RBFOX1: variants seen among roughly 807,000 people sequenced by gnomAD.
The protein encoded by RBFOX1 is RNA binding protein fox-1 homolog 1.
RBFOX1 carries 8 observed loss-of-function variants against 57.7 expected under a neutral mutation model. The observed-to-expected ratio is 0.14, with a 90% confidence interval of 0.08 to 0.25. The LOEUF (loss-of-function observed/expected upper bound fraction) is 0.25, where lower values mean the gene tolerates loss of function less well. RBFOX1 is among the 10% of genes least tolerant of loss of function. The pLI, the probability that RBFOX1 is intolerant of heterozygous loss-of-function variation, is 1.00. For missense variants in RBFOX1, 611 were observed against 548.5 expected (o/e 1.11, Z -1.14); for synonymous variants, 326 against 222.4 (o/e 1.47, Z -4.15).
intron 3 of RBFOX1, among the ~76,000 whole-genome samples, chr16:5,784,248 C>T (rs1019895693): frequency 6.6e-6 from 1 of 152,054 alleles, no homozygotes; most frequent in Non-Finnish European, 1.5e-5. Flanking sequence ...GGTGAAACCC[C>T]GTCTCTACTA....
At chr16:6,269,949 A>G (rs1162612960) in intron 1 of RBFOX1, among the ~76,000 whole-genome samples, 1 of 152,188 alleles carries the variant, frequency 6.6e-6, no homozygotes, top group Non-Finnish European at 1.5e-5. Context: ...TTAAATGGGG[A>G]GAGGAAGGGA....
chr16:7,026,741 C>G (rs1048754048), intron 3 of RBFOX1, among the ~76,000 whole-genome samples: 3 of 152,186 alleles, frequency 2.0e-5, no homozygotes, highest in Non-Finnish European at 2.9e-5. Flanking sequence ...CTCCCCTACC[C>G]AATTCCGAGG....
intron 2 of RBFOX1, among the ~76,000 whole-genome samples, chr16:5,586,988 C>T (rs1480733656): frequency 6.6e-6 from 1 of 152,162 alleles, no homozygotes; most frequent in Non-Finnish European, 1.5e-5. Context: ...TGCCCAGATG[C>T]CCTTCCCAGA....
chr16:6,990,517 C>G (rs140853163), intron 3 of RBFOX1, among the ~76,000 whole-genome samples: 531 of 152,108 alleles, frequency 3.5e-3, no homozygotes, highest in African/African-American at 8.8e-3. Flanking sequence ...AAGAAAGAAA[C>G]TCCATCTCAA....
chr16:7,160,400 C>T (rs1434758572), intron 4 of RBFOX1, among the ~76,000 whole-genome samples: 1 of 152,068 alleles, frequency 6.6e-6, no homozygotes, highest in African/African-American at 2.4e-5. Context: ...TACTTTTCAT[C>T]TTCTTCCTCC....
intron 3 of RBFOX1, among the ~76,000 whole-genome samples, chr16:6,862,418 A>G (rs1199421592): frequency 6.6e-6 from 1 of 152,144 alleles, no homozygotes; most frequent in East Asian, 1.9e-4. Context: ...TCAAATAAAA[A>G]TCCTTTCATT....
chr16:6,876,184 C>CA lies in RBFOX1; in HGVS notation c.-15-175865dup, dbSNP rs200681303. Among the ~76,000 whole-genome samples, 838 of 147,360 alleles carry CA rather than the reference C, an allele frequency of 5.7e-3. 18 individuals are homozygous for CA. Among genetic ancestry groups the CA allele is most frequent in the African/African-American group, 0.02 (799 of 40,812 alleles). On this transcript the variant is annotated intron_variant, in intron 3 of 15. Coordinates refer to ENST00000550418, the MANE Select transcript of RBFOX1 (RefSeq NM_018723.4). Reference sequence around the variant, plus strand: ...GGCAACAGAGGGTGAAGGACCCTCTCAAAAAAAACAAAGCAAAGCAAAACA... The same window carrying CA: ...GGCAACAGAGGGTGAAGGACCCTCTCAAAAAAAAACAAAGCAAAGCAAAACA...
At chr16:5,497,622 C>CAAAA (rs911723996) in intron 2 of RBFOX1, among the ~76,000 whole-genome samples, 6 of 53,420 alleles carry the variant, frequency 1.1e-4, no homozygotes, top group African/African-American at 2.2e-4. Context: ...ACTAAAAATA[C>CAAAA]AAAAAAAAAA....
intron 4 of RBFOX1, among the ~76,000 whole-genome samples, chr16:5,889,926 C>G (rs559351933): frequency 6.6e-6 from 1 of 152,194 alleles, no homozygotes; most frequent in African/African-American, 2.4e-5. Flanking sequence ...TGGCAGAGGA[C>G]GAAGACTGGG....
At chr16:6,063,203 G>C (rs1315285572) in intron 1 of RBFOX1, among the ~76,000 whole-genome samples, 2 of 151,910 alleles carry the variant, frequency 1.3e-5, no homozygotes, top group African/African-American at 2.4e-5. Context: ...GATCACTTTG[G>C]AGCAGCAAGA....
chr16:5,865,596 G>C (rs1341666807), intron 3 of RBFOX1, among the ~76,000 whole-genome samples: 1 of 152,196 alleles, frequency 6.6e-6, no homozygotes, highest in Admixed American at 6.5e-5. Flanking sequence ...GGGAGAGTTG[G>C]TGCCAAAGCC....
At chr16:6,545,393 C>G (rs1246090264) in intron 2 of RBFOX1, among the ~76,000 whole-genome samples, 4 of 152,130 alleles carry the variant, frequency 2.6e-5, no homozygotes, top group African/African-American at 4.8e-5. Context: ...TCTCCAACCC[C>G]TCTCTCTCTT....
chr16:6,449,871 T>C (rs998576254), intron 2 of RBFOX1, among the ~76,000 whole-genome samples: 1 of 152,180 alleles, frequency 6.6e-6, no homozygotes, highest in African/African-American at 2.4e-5. Context: ...TGAGAGGCAG[T>C]ATTCAGGAAG....
At chr16:6,745,662 A>G (rs192134659) in intron 3 of RBFOX1, among the ~76,000 whole-genome samples, 2 of 152,242 alleles carry the variant, frequency 1.3e-5, no homozygotes, top group East Asian at 1.9e-4. Flanking sequence ...GATAAAAGGC[A>G]TCTATGGAAA....
chr16:7,623,131 G>A (rs2142119939), intron 10 of RBFOX1, among the ~76,000 whole-genome samples: 1 of 152,264 alleles, frequency 6.6e-6, no homozygotes, highest in African/African-American at 2.4e-5. Flanking sequence ...TATAAGGTAG[G>A]AAGGTGTAGT....
rs77599222 is a variant in RBFOX1, at chr16:6,676,337, T to G, written c.-16+21687T>G. The stretch of plus-strand genomic sequence containing the variant: ...GTACTATCCTGCCTTCCAGTCAATT[T>G]TGGGGAGTCATGAGCTGTTTCGTTT... On this transcript the variant is annotated intron_variant, in intron 3 of 15. Coordinates refer to ENST00000550418, the MANE Select transcript of RBFOX1 (RefSeq NM_018723.4). 4.6e-5 allele frequency among the ~76,000 whole-genome samples: 7 copies of G among 152,192 alleles called. No individual in the cohort carries two copies. In the South Asian group the frequency reaches 8.3e-4, roughly 18 times the overall value.
At chr16:6,295,334 C>T (rs984816365) in intron 1 of RBFOX1, among the ~76,000 whole-genome samples, 4 of 152,076 alleles carry the variant, frequency 2.6e-5, no homozygotes, top group African/African-American at 9.7e-5. Flanking sequence ...TCATGTTGGC[C>T]AGGATGGTCT....
At chr16:6,441,058 C>A (rs1274266541) in intron 2 of RBFOX1, among the ~76,000 whole-genome samples, 1 of 151,878 alleles carries the variant, frequency 6.6e-6, no homozygotes, top group Admixed American at 6.6e-5. Context: ...GTTGAGTGCA[C>A]CGTCCAAGAG....
At chr16:5,881,491 C>T (rs2057761870) in intron 4 of RBFOX1, among the ~76,000 whole-genome samples, 2 of 151,928 alleles carry the variant, frequency 1.3e-5, no homozygotes, top group Admixed American at 6.6e-5. Flanking sequence ...ACCAACCTGG[C>T]CAACATGATG....
Sources: gnomAD v4.1 joint callset for allele counts (sites outside exome capture counted in the v4.1 genomes callset) on GRCh38, gnomAD v4.1.1 for gene constraint, MANE v1.5 for transcripts, NCBI Gene and HGNC (gene_info 2026-07-23, HGNC 2026-07-21) for gene names.